The following SGPP2 variants were observed in gnomAD, a reference collection of about 807,000 sequenced individuals.
The protein encoded by SGPP2 is sphingosine-1-phosphate phosphatase 2, also known as sphingosine 1-phosphate phosphohydrolase 2.
In SGPP2, 30 loss-of-function variants were observed where a neutral mutation model predicts 33.9. The observed-to-expected ratio is 0.89, with a 90% CI of 0.66 to 1.20. The LOEUF (loss-of-function observed/expected upper bound fraction) is 1.20, where lower values mean the gene tolerates loss of function less well. Ranked by LOEUF, SGPP2 falls within the 50% of genes most tolerant of loss-of-function variation. The pLI is 0.00. For missense variants in SGPP2, 458 were observed against 532.1 expected (o/e 0.86, Z 1.37); for synonymous variants, 233 against 225.0 (o/e 1.04, Z -0.32).
At chr2:222,539,264 G>A (rs959580778) in intron 4 of SGPP2, among the ~76,000 whole-genome samples, 1 of 152,228 alleles carries the variant, frequency 6.6e-6, no homozygotes, top group African/African-American at 2.4e-5. Flanking sequence ...AAACCCATCA[G>A]GGCAGCCATT....
chr2:222,486,439 A>G (rs1035869973), intron 2 of SGPP2, among the ~76,000 whole-genome samples: 2 of 152,236 alleles, frequency 1.3e-5, no homozygotes, highest in African/African-American at 4.8e-5. Flanking sequence ...GCAAAGAGCC[A>G]CAATATGGCT....
intron 1 of SGPP2, among the ~76,000 whole-genome samples, chr2:222,467,327 G>A (rs563003756): frequency 1.3e-5 from 2 of 152,124 alleles, no homozygotes; most frequent in East Asian, 1.9e-4. Context: ...CATCATCATC[G>A]TCATCAACAG....
intron 2 of SGPP2, among the ~76,000 whole-genome samples, chr2:222,507,667 G>A (rs1698464545): frequency 6.6e-6 from 1 of 152,064 alleles, no homozygotes; most frequent in Admixed American, 6.6e-5. Context: ...ATCACACAAG[G>A]TCTGTTTGCA....
At chr2:222,444,041 AC>A (rs992116287) in intron 1 of SGPP2, among the ~76,000 whole-genome samples, 1 of 152,162 alleles carries the variant, frequency 6.6e-6, no homozygotes, top group Non-Finnish European at 1.5e-5. Context: ...CTACCATCCC[AC>A]CATTACCAAC....
intron 2 of SGPP2, among the ~76,000 whole-genome samples, chr2:222,486,324 T>G (rs1179927560): frequency 6.6e-6 from 1 of 152,214 alleles, no homozygotes; most frequent in Non-Finnish European, 1.5e-5. Context: ...GCCAGTGGTC[T>G]CCTTGCTTGC....
At chr2:222,497,067 A>G (rs1444245695) in intron 2 of SGPP2, among the ~76,000 whole-genome samples, 2 of 152,204 alleles carry the variant, frequency 1.3e-5, no homozygotes, top group Admixed American at 6.5e-5. Context: ...AATGGTTTCC[A>G]TCTTAATGGA....
intron 2 of SGPP2, among the ~76,000 whole-genome samples, chr2:222,509,973 T>A (rs537907291): frequency 2.0e-4 from 30 of 152,382 alleles, no homozygotes; most frequent in African/African-American, 7.0e-4. Context: ...TTCATGTAAA[T>A]GGAATCATAC....
intron 2 of SGPP2, among the ~76,000 whole-genome samples, chr2:222,496,230 A>G (rs4674658): frequency 0.88 from 133,521 of 152,280 alleles, 59,164 homozygotes; most frequent in East Asian, 1. Flanking sequence ...ACACGACAAC[A>G]TGAAACACAG....
intron 4 of SGPP2, among the ~76,000 whole-genome samples, chr2:222,536,626 G>C (rs1032771333): frequency 1.3e-5 from 2 of 152,174 alleles, no homozygotes; most frequent in African/African-American, 4.8e-5. Context: ...GTTGCAGTGA[G>C]CTGAGATCGC....
At chr2:222,552,252 T>G (rs925845237) in intron 4 of SGPP2, among the ~76,000 whole-genome samples, 1 of 152,244 alleles carries the variant, frequency 6.6e-6, no homozygotes, top group Non-Finnish European at 1.5e-5. Context: ...GATCAAATGG[T>G]AGTTCTACTT....
At chr2:222,498,599 T>A (rs1030058531) in intron 2 of SGPP2, among the ~76,000 whole-genome samples, 1 of 151,648 alleles carries the variant, frequency 6.6e-6, no homozygotes, top group Non-Finnish European at 1.5e-5. Flanking sequence ...AAAAAAAAAA[T>A]TTTTGAGCAG....
Position 222,526,494 on chromosome 2 carries a change from G to A in SGPP2, c.648+1461G>A, listed in dbSNP as rs907328931. Among the ~76,000 whole-genome samples, 6 of 152,274 alleles carry A rather than the reference G, an allele frequency of 3.9e-5. No homozygotes were observed. In the South Asian group the frequency reaches 6.2e-4, roughly 16 times the overall value. Reference sequence around the variant, plus strand: ...TCTCTATTTGCTACACTGCCACTTCGTGTTACAAAGAGGTTCTCTCCAAAT... The same window carrying A: ...TCTCTATTTGCTACACTGCCACTTCATGTTACAAAGAGGTTCTCTCCAAAT... On this transcript the variant is annotated intron_variant, in intron 4 of 4. Coordinates refer to ENST00000321276, the MANE Select transcript of SGPP2 (RefSeq NM_152386.4).
At chr2:222,536,904 C>T (rs999899618) in intron 4 of SGPP2, among the ~76,000 whole-genome samples, 13 of 152,090 alleles carry the variant, frequency 8.5e-5, no homozygotes, top group Non-Finnish European at 1.9e-4. Flanking sequence ...TACTATAATT[C>T]CTTAGCTAAC....
At chr2:222,502,341 A>T (rs966278280) in intron 2 of SGPP2, among the ~76,000 whole-genome samples, 3 of 152,192 alleles carry the variant, frequency 2.0e-5, no homozygotes, top group Non-Finnish European at 2.9e-5. Flanking sequence ...GGTAAAGACT[A>T]TTGCTGTCCT....
At chr2:222,499,387 C>T (rs148639471) in intron 2 of SGPP2, among the ~76,000 whole-genome samples, 5 of 152,306 alleles carry the variant, frequency 3.3e-5, no homozygotes, top group Admixed American at 6.5e-5. Context: ...ACACTTTGCC[C>T]GTGCTCGGCC....
At position 222,562,207 on chromosome 2, in the gene SGPP2, A is replaced by C. The variant is rs779858897; in HGVS notation, c.*3309A>C. 2.0e-5 allele frequency among the ~76,000 whole-genome samples: 3 copies of C among 152,048 alleles called. No individual in the cohort carries two copies. The highest frequency in any genetic ancestry group is 4.4e-5 in the Non-Finnish European group (3 of 68,008). On this transcript the variant is annotated 3_prime_UTR_variant, in exon 5 of 5. Transcript: ENST00000321276. ...AGATAGAATGACATGCCTTTTTCCT[A>C]ATTGTCCACATTCCACCCCCAACCC... is the stretch of plus-strand genomic sequence containing the variant.
chr2:222,515,516 A>G (rs1161350307), intron 2 of SGPP2, among the ~76,000 whole-genome samples: 2 of 151,784 alleles, frequency 1.3e-5, no homozygotes, highest in African/African-American at 4.8e-5. Context: ...TTTAGTAGAG[A>G]CGGGGTTTCA....
chr2:222,500,746 C>T (rs1018269356), intron 2 of SGPP2, among the ~76,000 whole-genome samples: 1 of 152,222 alleles, frequency 6.6e-6, no homozygotes. Flanking sequence ...GCTCCCATAA[C>T]TTTGTTAGCC....
intron 1 of SGPP2, among the ~76,000 whole-genome samples, chr2:222,464,559 T>C (rs1166717694): frequency 2.6e-5 from 4 of 152,256 alleles, no homozygotes; most frequent in African/African-American, 7.2e-5. Flanking sequence ...CATGGCTCAC[T>C]GGAGCCTCTA....
Sources: allele counts gnomAD v4.1 joint callset (sites outside exome capture counted in the v4.1 genomes callset), GRCh38; gene constraint gnomAD v4.1.1; transcripts MANE v1.5; gene names NCBI Gene and HGNC (gene_info 2026-07-23, HGNC 2026-07-21).